PCSK5: variants seen among roughly 807,000 people sequenced by gnomAD.
PCSK5 encodes prohormone convertase 5.
Under a neutral mutation model 233.2 loss-of-function variants are expected in PCSK5, and 129 were observed. That is an observed-to-expected ratio of 0.55 (90% confidence interval 0.48 to 0.64). PCSK5 has a LOEUF of 0.64. Ranked by LOEUF, PCSK5 falls within the 30% of genes least tolerant of loss-of-function variation. The pLI, the probability that PCSK5 is intolerant of heterozygous loss-of-function variation, is 0.00. For synonymous variants in PCSK5, 825 were observed against 879.2 expected (o/e 0.94, Z 1.09); for missense variants, 2,076 against 2,430.1 (o/e 0.85, Z 3.06).
chr9:76,243,876 T>C (rs1310139117), intron 24 of PCSK5, among the ~76,000 whole-genome samples: 2 of 152,244 alleles, frequency 1.3e-5, no homozygotes, highest in Non-Finnish European at 2.9e-5. Context: ...TTTTCTCTAA[T>C]CAAACTTTGT....
At chr9:76,091,336 C>T (rs1042137034) in intron 7 of PCSK5, among the ~76,000 whole-genome samples, 2 of 151,840 alleles carry the variant, frequency 1.3e-5, no homozygotes, top group South Asian at 2.1e-4. Flanking sequence ...AGAGAGAAAG[C>T]GAGCGAGCTA....
chr9:76,229,112 G>A (rs149986599), intron 21 of PCSK5, among the ~76,000 whole-genome samples: 61 of 152,302 alleles, frequency 4.0e-4, no homozygotes, highest in African/African-American at 1.4e-3. Context: ...CTAACCATGA[G>A]CATATTTTTC....
At chr9:75,910,376 C>T (rs1298108590) in intron 1 of PCSK5, among the ~76,000 whole-genome samples, 1 of 152,178 alleles carries the variant, frequency 6.6e-6, no homozygotes, top group Admixed American at 6.5e-5. Context: ...TTAGTTATTT[C>T]CAATGTGTGT....
intron 5 of PCSK5, among the ~76,000 whole-genome samples, chr9:76,057,969 C>T (rs561935246): frequency 8.6e-5 from 13 of 151,246 alleles, no homozygotes; most frequent in East Asian, 7.8e-4. Flanking sequence ...TCTGAGTAAG[C>T]GGGACTACAG....
At chr9:76,064,209 C>T (rs1402975547) in intron 5 of PCSK5, among the ~76,000 whole-genome samples, 15 of 103,658 alleles carry the variant, frequency 1.4e-4, no homozygotes, top group South Asian at 3.5e-4. Flanking sequence ...CCCTCCCGGA[C>T]GGGGCGGCTG....
At chr9:75,983,288 TCA>T (rs1826359720) in intron 2 of PCSK5, among the ~76,000 whole-genome samples, 1 of 152,172 alleles carries the variant, frequency 6.6e-6, no homozygotes, top group African/African-American at 2.4e-5. Flanking sequence ...ATGCATATGG[TCA>T]CATTTTTTTT....
At chr9:76,249,950 G>A (rs1191038934) in intron 24 of PCSK5, among the ~76,000 whole-genome samples, 1 of 152,136 alleles carries the variant, frequency 6.6e-6, no homozygotes, top group Non-Finnish European at 1.5e-5. Flanking sequence ...AAGTAAATAG[G>A]AAGGAGGCGA....
chr9:76,028,649 C>T (rs2131499805), intron 5 of PCSK5, among the ~76,000 whole-genome samples: 1 of 152,194 alleles, frequency 6.6e-6, no homozygotes, highest in South Asian at 2.1e-4. Flanking sequence ...GATGTTATCC[C>T]CAGGAGCAAT....
At chr9:75,917,216 A>T (rs972403366) in intron 1 of PCSK5, among the ~76,000 whole-genome samples, 1 of 151,906 alleles carries the variant, frequency 6.6e-6, no homozygotes, top group Non-Finnish European at 1.5e-5. Flanking sequence ...GAATATAAGC[A>T]GTTAATATTG....
At chr9:76,010,862 T>C (rs1230511603) in intron 3 of PCSK5, among the ~76,000 whole-genome samples, 1 of 152,224 alleles carries the variant, frequency 6.6e-6, no homozygotes, top group Non-Finnish European at 1.5e-5. Flanking sequence ...TTAACGTTAT[T>C]CCTTTCATTA....
intron 33 of PCSK5, among the ~76,000 whole-genome samples, chr9:76,328,636 C>T (rs1829441508): frequency 6.6e-6 from 1 of 152,124 alleles, no homozygotes; most frequent in African/African-American, 2.4e-5. Context: ...TATTTTAGTG[C>T]CTATTTCCTC....
chr9:76,190,325 A>G (rs973926209), intron 20 of PCSK5, among the ~76,000 whole-genome samples: 4 of 100,392 alleles, frequency 4.0e-5, no homozygotes, highest in Admixed American at 1.3e-4. Flanking sequence ...TCTCCCACCC[A>G]CTACTGATTT....
intron 3 of PCSK5, among the ~76,000 whole-genome samples, chr9:76,012,282 A>G (rs1827759389): frequency 6.6e-6 from 1 of 152,212 alleles, no homozygotes; most frequent in South Asian, 2.1e-4. Flanking sequence ...ACTATGACAA[A>G]CACACATTAA....
At chr9:76,303,549 A>C (rs1274228681) in intron 28 of PCSK5, among the ~76,000 whole-genome samples, 1 of 152,228 alleles carries the variant, frequency 6.6e-6, no homozygotes, top group Non-Finnish European at 1.5e-5. Context: ...AAGCCTGGAC[A>C]TAGAACATTG....
At chr9:75,991,468 T>A (rs1273023903) in intron 3 of PCSK5, among the ~76,000 whole-genome samples, 2 of 152,202 alleles carry the variant, frequency 1.3e-5, no homozygotes, top group African/African-American at 4.8e-5. Flanking sequence ...TATGGGGCAT[T>A]TTAAAGCACA....
intron 7 of PCSK5, among the ~76,000 whole-genome samples, chr9:76,073,116 A>G (rs930057848): frequency 5.3e-5 from 8 of 152,212 alleles, no homozygotes; most frequent in African/African-American, 1.9e-4. Context: ...ATTAACTACA[A>G]ATGATGCGAA....
At chr9:75,979,863 T>C (rs1442298216) in intron 2 of PCSK5, among the ~76,000 whole-genome samples, 1 of 152,226 alleles carries the variant, frequency 6.6e-6, no homozygotes, top group Non-Finnish European at 1.5e-5. Context: ...TCATTTAACT[T>C]TTTCATCAAT....
rs187226843 is a variant in PCSK5 at position 75,928,289 on chromosome 9, G to T, written c.193-4090G>T. Among the ~76,000 whole-genome samples the T allele has an allele frequency of 3.3e-5, 5 of 152,050 alleles. No individual in the cohort carries two copies. In the East Asian group the frequency reaches 9.7e-4, roughly 29 times the overall value. The stretch of plus-strand genomic sequence containing the variant: ...TTATTTATAAGATATCCCCATGTTA[G>T]TTATATATTGTTCCTTGTTTCAGTC... On this transcript the variant is annotated intron_variant, in intron 1 of 37. Coordinates refer to ENST00000674117, the MANE Select transcript of PCSK5 (RefSeq NM_001372043.1).
At chr9:75,997,869 A>T (rs914613071) in intron 3 of PCSK5, among the ~76,000 whole-genome samples, 3 of 152,236 alleles carry the variant, frequency 2.0e-5, no homozygotes, top group African/African-American at 7.2e-5. Context: ...GAATAATCTT[A>T]AACGACTATT....
Sources: gnomAD v4.1 joint callset for allele counts (sites outside exome capture counted in the v4.1 genomes callset) on GRCh38, gnomAD v4.1.1 for gene constraint, MANE v1.5 for transcripts, NCBI Gene and HGNC (gene_info 2026-07-23, HGNC 2026-07-21) for gene names.